The following AP1B1 variants were observed in gnomAD, a reference collection of about 807,000 sequenced individuals.
AP1B1 encodes adaptor related protein complex 1 subunit beta 1.
In AP1B1, 36 loss-of-function variants were observed where a neutral mutation model predicts 104.3. The observed-to-expected ratio is 0.35, with a 90% confidence interval of 0.26 to 0.46. The LOEUF (loss-of-function observed/expected upper bound fraction) is 0.46, where lower values mean the gene tolerates loss of function less well. AP1B1 is among the 20% of genes least tolerant of loss of function. The pLI is 1.00. For missense variants in AP1B1, 901 were observed against 1,247.9 expected (o/e 0.72, Z 4.19); for synonymous variants, 504 against 517.5 (o/e 0.97, Z 0.35).
Position 29,339,283 on chromosome 22 carries a change from CAG to C in AP1B1, c.2020-152_2020-151del, listed in dbSNP as rs2061680102. On this transcript the variant is annotated intron_variant, in intron 15 of 22. Coordinates refer to ENST00000357586, the MANE Select transcript of AP1B1 (RefSeq NM_001127.4). The stretch of plus-strand genomic sequence containing the variant: ...TCAACTCTAAATTACAGAAACAAGA[CAG>C]AGAGAGGTGGGTGGAGAAGAGAGGC... The C allele has an allele frequency of 5.3e-6, 5 of 941,546 alleles. 1 individual carries two copies. Among genetic ancestry groups the C allele is most frequent in the Admixed American group, 4.9e-5 (2 of 40,560 alleles). The allele number at this position is 941,546 out of a possible 1,614,324, so 58.3% of individuals were successfully genotyped here. A position where few individuals can be genotyped will look rare whatever the true frequency, so the allele number is the denominator to read the frequency against.
Position 29,341,487 on chromosome 22 carries a change from CCAGT to C in AP1B1, c.1796+10_1796+13del. 6.2e-7 allele frequency: 1 copy of C among 1,607,834 alleles called. No homozygotes were observed. Among genetic ancestry groups the C allele is most frequent in the Non-Finnish European group, 8.5e-7 (1 of 1,175,320 alleles). ...GAGTGTGAAGGCGCAGGCCGACTGG[CCAGT>C]CTCACTCACGAGGCCGTGCGAGGTG... On this transcript the variant is annotated intron_variant, in intron 13 of 22. Coordinates refer to ENST00000357586, the MANE Select transcript of AP1B1 (RefSeq NM_001127.4).
intron 17 of AP1B1, chr22:29,332,260 CA>C (rs1242807572): frequency 4.6e-6 from 1 of 218,206 alleles, no homozygotes; most frequent in African/African-American, 2.3e-5. Flanking sequence ...TGTCTAATGC[CA>C]GGGGCCTGGA....
chr22:29,379,075 T>C (rs2062395788), intron 1 of AP1B1, among the ~76,000 whole-genome samples: 1 of 150,042 alleles, frequency 6.7e-6, no homozygotes, highest in Non-Finnish European at 1.5e-5. Context: ...AAAAAAGTGA[T>C]GGGCGCAGTG....
chr22:29,336,804 CAAAAAAAAA>C (rs1174010439), intron 16 of AP1B1, among the ~76,000 whole-genome samples: 1 of 72,982 alleles, frequency 1.4e-5, no homozygotes, highest in African/African-American at 4.3e-5. Context: ...AACTCTGTCT[CAAAAAAAAA>C]AAAAAAAAAA....
intron 1 of AP1B1, among the ~76,000 whole-genome samples, chr22:29,379,962 C>T (rs79811751): frequency 9.1e-4 from 138 of 152,234 alleles, no homozygotes; most frequent in Non-Finnish European, 1.8e-3. Flanking sequence ...AAGGCCAAAA[C>T]AAGAAGTCTG....
At chr22:29,352,972 T>C (rs760032087) in intron 7 of AP1B1, among the ~76,000 whole-genome samples, 24 of 152,138 alleles carry the variant, frequency 1.6e-4, no homozygotes, top group Non-Finnish European at 2.6e-4. Context: ...CCCTTTCACA[T>C]GTGTCATTGT....
intron 12 of AP1B1, 71 bp downstream of exon 12, chr22:29,342,214 T>C: frequency 7.6e-7 from 1 of 1,321,068 alleles, no homozygotes; most frequent in South Asian, 1.2e-5. Context: ...CCAGGTCTAG[T>C]TCCTGGGACA....
chr22:29,342,232 C>G, intron 12 of AP1B1, 53 bp downstream of exon 12: 1 of 1,469,592 alleles, frequency 6.8e-7, no homozygotes, highest in Non-Finnish European at 9.4e-7. Flanking sequence ...ACAAAAGTTC[C>G]CCTGCTTGAG....
At chr22:29,341,903 A>G in intron 12 of AP1B1, 143 bp from the exon 13 acceptor site, 1 of 990,832 alleles carries the variant, frequency 1.0e-6, no homozygotes, top group Non-Finnish European at 1.4e-6. Context: ...GCCTGCCCCT[A>G]TACCACCTAC....
chr22:29,351,648 G>T (rs1390468865), intron 8 of AP1B1, 57 bp downstream of exon 8: 1 of 1,598,172 alleles, frequency 6.3e-7, no homozygotes, highest in African/African-American at 1.3e-5. Context: ...CTACAGTCTG[G>T]TGGTGGTGGA....
In AP1B1 at chr22:29,328,784, G is replaced by A; in HGVS notation, c.*37C>T. The A allele has an allele frequency of 6.3e-7, 1 of 1,587,732 alleles. No individual in the cohort carries two copies. On this transcript the variant is annotated 3_prime_UTR_variant, in exon 23 of 23. Transcript: ENST00000357586. The surrounding 1 kb of genome is among the most constrained non-coding windows in gnomAD (Gnocchi z 4.1). ...TGCCCCCGAGGGGCCTCCTCGATGG[G>A]GCGGGCAGAAGGCTGGGGTGGGCGC...
At chr22:29,340,564 G>C (rs1357873155) in intron 14 of AP1B1, 92 bp downstream of exon 14, 1 of 1,288,304 alleles carries the variant, frequency 7.8e-7, no homozygotes, top group African/African-American at 1.5e-5. Flanking sequence ...TGTACCTGAG[G>C]CACTCAGCTG....
At chr22:29,371,931 C>G (rs1357831040) in intron 1 of AP1B1, among the ~76,000 whole-genome samples, 1 of 152,054 alleles carries the variant, frequency 6.6e-6, no homozygotes, top group Non-Finnish European at 1.5e-5. Context: ...CATTTACAGG[C>G]CAAGAAATGC....
At chr22:29,387,330 C>T (rs996118780) in intron 1 of AP1B1, among the ~76,000 whole-genome samples, 4 of 129,288 alleles carry the variant, frequency 3.1e-5, no homozygotes, top group Admixed American at 8.6e-5. Context: ...TTTTTTGAGA[C>T]GGAGTCTCAC....
intron 9 of AP1B1, 75 bp from the exon 10 acceptor site, chr22:29,350,225 G>A (rs972083305): frequency 6.0e-6 from 7 of 1,159,520 alleles, no homozygotes; most frequent in African/African-American, 4.5e-5. Context: ...TCCACGCCTC[G>A]GCCAAGGGCT....
intron 3 of AP1B1, among the ~76,000 whole-genome samples, chr22:29,360,512 T>C (rs1044495907): frequency 7.2e-5 from 11 of 152,186 alleles, no homozygotes; most frequent in East Asian, 5.8e-4. Context: ...GGATGGCTCA[T>C]GCTGCTTTCT....
chr22:29,375,568 G>A (rs1437538738), intron 1 of AP1B1, among the ~76,000 whole-genome samples: 1 of 152,130 alleles, frequency 6.6e-6, no homozygotes, highest in South Asian at 2.1e-4. Context: ...TAAGATGAGA[G>A]AGCTGTGACA....
Position 29,358,838 on chromosome 22 carries a change from C to A in AP1B1, c.413G>T (p.Arg138Leu), listed in dbSNP as rs750286015. The change falls in exon 5 of 23, where the codon CGC (arginine) becomes CTC (leucine). Residue 138 changes from arginine (R) to leucine (L), a missense_variant. Arg to Leu is a moderately radical substitution (Grantham distance 102, BLOSUM62 -2). Transcript: ENST00000357586. ...GGCCACGCACACAGCTGCTGTCTTGCGCACATATGGATCCTCGTCCTTCAG... is the reference window on the plus strand; with the variant it reads ...GGCCACGCACACAGCTGCTGTCTTGAGCACATATGGATCCTCGTCCTTCAG... The part of the protein sequence containing the change: ...KCLKDEDPYV[R>L]KTAAVCVAKL... The A allele has an allele frequency of 2.5e-6, 4 of 1,614,240 alleles. No homozygotes were observed. In the South Asian group the frequency reaches 3.3e-5, roughly 13 times the overall value.
At chr22:29,340,550 AT>A (rs2061698673) in intron 14 of AP1B1, 105 bp downstream of exon 14, 1 of 1,197,304 alleles carries the variant, frequency 8.4e-7, no homozygotes, top group African/African-American at 1.5e-5. Flanking sequence ...AGGACTCTAT[AT>A]AATGTACCTG....
Sources: allele counts gnomAD v4.1 joint callset (sites outside exome capture counted in the v4.1 genomes callset), GRCh38; gene constraint gnomAD v4.1.1; non-coding constraint Gnocchi (gnomAD v3.1); transcripts MANE v1.5; gene names NCBI Gene and HGNC (gene_info 2026-07-23, HGNC 2026-07-21).